TBC1D9B: variants seen among roughly 807,000 people sequenced by gnomAD.
TBC1D9B encodes TBC1 domain family, member 9B (with GRAM domain).
Under a neutral mutation model 121.1 loss-of-function variants are expected in TBC1D9B, and 87 were observed. The ratio of observed to expected loss-of-function variants is 0.72; its 90% CI spans 0.60 to 0.86. The LOEUF is 0.86. Among genes scored for constraint, TBC1D9B ranks in the 40% least tolerant of loss-of-function variants. The pLI is 0.00. For missense variants in TBC1D9B, 1,540 were observed against 1,628.6 expected (o/e 0.95, Z 0.94); for synonymous variants, 668 against 670.1 (o/e 1.00, Z 0.05).
chr5:179,866,026 C>T, intron 18 of TBC1D9B, 138 bp from the exon 19 acceptor site: 2 of 1,011,322 alleles, frequency 2.0e-6, no homozygotes, highest in Non-Finnish European at 3.0e-6. Context: ...GTCTCCCATG[C>T]CACACCTCCT....
Position 179,865,173 on chromosome 5 carries a change from A to T in TBC1D9B, c.3021+81T>A. ...CTTCCCACCCACCAGGAGATGCTGC[A>T]GTGCAGGTGCGGTGATGTTAGGGCC... On this transcript the variant is annotated intron_variant, in intron 20 of 20. Coordinates refer to ENST00000355235, the MANE Select transcript of TBC1D9B (RefSeq NM_015043.4). The surrounding 1 kb of genome is among the most constrained non-coding windows in gnomAD (Gnocchi z 5.1). 7.6e-7 allele frequency: 1 copy of T among 1,307,652 alleles called. No individual in the cohort carries two copies. The highest frequency in any genetic ancestry group is 1.1e-6 in the Non-Finnish European group (1 of 904,730). 81.0% of individuals were successfully genotyped at this position (1,307,652 alleles called of 1,614,324 possible).
At chr5:179,886,464 C>T (rs536776221) in intron 7 of TBC1D9B, among the ~76,000 whole-genome samples, 8 of 152,308 alleles carry the variant, frequency 5.3e-5, no homozygotes, top group African/African-American at 1.9e-4. Context: ...GTTCACTGCC[C>T]CTGCCACTCA....
chr5:179,870,341 G>A lies in TBC1D9B; in HGVS notation c.2639C>T (p.Thr880Ile). Residue 880 changes from threonine to isoleucine, a missense_variant, in exon 16 of 21, where the codon ACA becomes ATA. Coordinates refer to ENST00000355235, the MANE Select transcript of TBC1D9B (RefSeq NM_015043.4). ...GAACATGCGCCCTGCCAGCAGAGGT[G>A]TGTGGGAGCCACAGGCCCAGGGTGT... ...SLTPWACGSHTPLLAGRMFRL... is the reference protein window; with the variant it reads ...SLTPWACGSHIPLLAGRMFRL... 4 of 1,613,886 alleles carry A rather than the reference G, an allele frequency of 2.5e-6. No individual in the cohort carries two copies. Among genetic ancestry groups the A allele is most frequent in the Non-Finnish European group, 3.4e-6 (4 of 1,180,028 alleles).
At chr5:179,899,148 CCAGGGAAGG>C (rs781022649) in intron 3 of TBC1D9B, 32 bp downstream of exon 3, 30 of 1,525,184 alleles carry the variant, frequency 2.0e-5, no homozygotes, top group Non-Finnish European at 2.7e-5. Context: ...ACACTGCTGG[CCAGGGAAGG>C]GTGAGAACAG....
At position 179,870,537 on chromosome 5, in the gene TBC1D9B, T is replaced by C. The variant is rs747627676; in HGVS notation, c.2485-42A>G. Reference sequence around the variant, plus strand: ...GGTGAGACGGTCCAGCCGCTAAGCCTGTGGGTCGAGGGGACCCCTAGGCTG... The same window carrying C: ...GGTGAGACGGTCCAGCCGCTAAGCCCGTGGGTCGAGGGGACCCCTAGGCTG... On this transcript the variant is annotated intron_variant, in intron 15 of 20. Coordinates refer to ENST00000355235, the MANE Select transcript of TBC1D9B (RefSeq NM_015043.4). 4.5e-6 allele frequency: 7 copies of C among 1,567,138 alleles called. No homozygotes were observed. The African/African-American group carries it at 6.7e-5, about 15-fold the overall frequency.
At position 179,904,754 on chromosome 5, in the gene TBC1D9B, G is replaced by A; in HGVS notation, c.177C>T (p.Tyr59=). 6.3e-7 allele frequency: 1 copy of A among 1,581,062 alleles called. No individual in the cohort carries two copies. The highest frequency in any genetic ancestry group is 1.3e-5 in the African/African-American group (1 of 74,476). ...AGTCCTGGGTCTGGTGCAGGATGCG[G>A]TAAGGGGCCACGCGGGCACTGGAGT... ...VLDSSARVAP[Y]RILHQTQDSQ... Residue 59 remains tyrosine, a synonymous_variant, in exon 2 of 21, where the codon TAC becomes TAT. Coordinates refer to ENST00000355235, the MANE Select transcript of TBC1D9B (RefSeq NM_015043.4). The surrounding 1 kb of genome is among the most constrained non-coding windows in gnomAD (Gnocchi z 4.2).
chr5:179,886,445 G>A (rs780767542), intron 7 of TBC1D9B, among the ~76,000 whole-genome samples: 13 of 152,068 alleles, frequency 8.5e-5, no homozygotes, highest in Non-Finnish European at 1.6e-4. Flanking sequence ...GAGGAGGCTC[G>A]ACCACCCTGT....
At chr5:179,888,788 G>T (rs1421239464) in intron 6 of TBC1D9B, among the ~76,000 whole-genome samples, 1 of 152,206 alleles carries the variant, frequency 6.6e-6, no homozygotes, top group African/African-American at 2.4e-5. Flanking sequence ...CTGGCAGGGA[G>T]ACGGACGAGG....
At chr5:179,879,821 A>C (rs1288921789) in intron 7 of TBC1D9B, 32 bp from the exon 8 acceptor site, 9 of 1,575,828 alleles carry the variant, frequency 5.7e-6, no homozygotes, top group Non-Finnish European at 6.9e-6. Flanking sequence ...GGGACGCCCT[A>C]ACAACTGTGC....
At position 179,879,123 on chromosome 5, in the gene TBC1D9B, G is replaced by C. The variant is rs1276160116; in HGVS notation, c.1491C>G (p.Arg497=). 6.2e-7 allele frequency: 1 copy of C among 1,608,036 alleles called. No individual in the cohort carries two copies. Among genetic ancestry groups the C allele is most frequent in the African/African-American group, 1.3e-5 (1 of 75,038 alleles). ...GGACCAGTGCCCGCGTCTTGGCTGT[G>C]CGGTACATGCACACGCCACGCCCGT... The part of the protein sequence containing the change: ...FEYGRGVCMY[R]TAKTRALVLK... The change falls in exon 9 of 21, where the codon CGC becomes CGG. Residue 497 remains arginine (R), a synonymous_variant. Transcript: ENST00000355235.
chr5:179,895,518 G>A (rs962045996), intron 3 of TBC1D9B, among the ~76,000 whole-genome samples: 5 of 152,208 alleles, frequency 3.3e-5, no homozygotes, highest in Non-Finnish European at 5.9e-5. Context: ...AGGACCTGCA[G>A]TTTCAGGGCC....
chr5:179,880,188 TG>T lies in TBC1D9B; in HGVS notation c.1255-400del, dbSNP rs548408310. Among the ~76,000 whole-genome samples, 164 of 152,292 alleles carry T rather than the reference TG, an allele frequency of 1.1e-3. 1 individual carries two copies. The highest frequency in any genetic ancestry group is 4.4e-3 in the Admixed American group (67 of 15,304). Reference sequence around the variant, plus strand: ...CTGCACAGAGGGCTGGGTGATGGCCTGTGATGTTGGGCTGGGCTCAGGGTGG... The same window carrying T: ...CTGCACAGAGGGCTGGGTGATGGCCTTGATGTTGGGCTGGGCTCAGGGTGG... On this transcript the variant is annotated intron_variant, in intron 7 of 20. Coordinates refer to ENST00000355235, the MANE Select transcript of TBC1D9B (RefSeq NM_015043.4).
rs752905383 is a variant in TBC1D9B at position 179,874,933 on chromosome 5, C to T, written c.2155G>A (p.Asp719Asn). Residue 719 changes from aspartate (D) to asparagine (N), a missense_variant, in exon 12 of 21, where the codon GAC (aspartate) becomes AAC (asparagine). Physicochemically the swap from Asp to Asn is conservative, Grantham distance 23. Transcript: ENST00000355235. The surrounding 1 kb of genome is among the most constrained non-coding windows in gnomAD (Gnocchi z 4.3). ...AGCATGGTCATGGCCTCGCCCTCGT[C>T]GCTGCAGCCCAGCAGCTGCTCCATG... Reference protein sequence around the residue: ...ANMEQLLGCSDEGEAMTMLGR... With the variant: ...ANMEQLLGCSNEGEAMTMLGR... 4.3e-6 allele frequency: 7 copies of T among 1,613,460 alleles called. No homozygotes were observed. In the East Asian group the frequency reaches 6.7e-5, roughly 15 times the overall value.
chr5:179,867,650 G>A (rs1041331874), intron 18 of TBC1D9B, 128 bp downstream of exon 18: 4 of 1,510,290 alleles, frequency 2.6e-6, no homozygotes, highest in African/African-American at 1.4e-5. Context: ...GGTCCCCTGG[G>A]GAGAACCCCA....
At chr5:179,900,496 A>C (rs1761136567) in intron 2 of TBC1D9B, among the ~76,000 whole-genome samples, 1 of 152,140 alleles carries the variant, frequency 6.6e-6, no homozygotes, top group Non-Finnish European at 1.5e-5. Context: ...GCCTCAGCCA[A>C]GACATGGCAG....
Position 179,864,007 on chromosome 5 carries a change from C to T in TBC1D9B, c.3143G>A (p.Gly1048Glu). The T allele has an allele frequency of 6.2e-7, 1 of 1,613,780 alleles. No individual in the cohort carries two copies. Residue 1048 changes from glycine (G) to glutamate (E), a missense_variant, in exon 21 of 21, where the codon GGG (glycine) becomes GAG (glutamate). By Grantham distance (98) the Gly-to-Glu change is moderately conservative. Coordinates refer to ENST00000355235, the MANE Select transcript of TBC1D9B (RefSeq NM_015043.4). The stretch of plus-strand genomic sequence containing the variant: ...GCCTGTGCGGGCTGAGAACTTCTTC[C>T]CCACCTCTCCGATGCGGAGCAGGAG... ...ASLLLRIGEVGKKFSARTGRK... is the reference protein window; with the variant it reads ...ASLLLRIGEVEKKFSARTGRK...
Position 179,873,086 on chromosome 5 carries a change from G to A in TBC1D9B, c.2316+33C>T, listed in dbSNP as rs775721719. The A allele has an allele frequency of 4.0e-5, 64 of 1,611,240 alleles. 1 individual carries two copies. Among genetic ancestry groups the A allele is most frequent in the Non-Finnish European group, 5.3e-5 (62 of 1,178,438 alleles). Reference sequence around the variant, plus strand: ...CCCCAACCCACATGCCAGATGGAGCGGCCTGGCCAAAATGGCCCCACTGGG... The same window carrying A: ...CCCCAACCCACATGCCAGATGGAGCAGCCTGGCCAAAATGGCCCCACTGGG... On this transcript the variant is annotated intron_variant, in intron 13 of 20. Transcript: ENST00000355235.
At chr5:179,898,722 T>A (rs1310011237) in intron 3 of TBC1D9B, among the ~76,000 whole-genome samples, 1 of 152,206 alleles carries the variant, frequency 6.6e-6, no homozygotes, top group Non-Finnish European at 1.5e-5. Context: ...GTGCTGGGAT[T>A]ATAGGTGTGG....
chr5:179,891,585 C>A lies in TBC1D9B; in HGVS notation c.838G>T (p.Asp280Tyr). The A allele has an allele frequency of 6.2e-7, 1 of 1,612,284 alleles. No homozygotes were observed. The highest frequency in any genetic ancestry group is 1.1e-5 in the South Asian group (1 of 91,014). Residue 280 changes from aspartate (D) to tyrosine (Y), a missense_variant and splice_region_variant, in exon 6 of 21, where the codon GAC becomes TAC. By Grantham distance (160) the Asp-to-Tyr change is radical. Transcript: ENST00000355235. This position sits in a 1 kb window ranked among gnomAD's most constrained non-coding sequence, Gnocchi z 4.3. Reference protein sequence around the residue: ...PHRNISALKRDLDARAKNECY... With the variant: ...PHRNISALKRYLDARAKNECY... ...TCATTCTTGGCTCGGGCGTCCAGGT[C>A]TCTGGGGAAACAAGGTAGGAGGACA...
Sources: allele counts gnomAD v4.1 joint callset (sites outside exome capture counted in the v4.1 genomes callset), GRCh38; gene constraint gnomAD v4.1.1; non-coding constraint Gnocchi (gnomAD v3.1); transcripts MANE v1.5; gene names NCBI Gene and HGNC (gene_info 2026-07-23, HGNC 2026-07-21).